SIPA1L1: variants seen among roughly 807,000 people sequenced by gnomAD.
SIPA1L1 encodes the protein signal induced proliferation associated 1 like 1, also known as signal-induced proliferation-associated 1-like protein 1.
In SIPA1L1, 26 loss-of-function variants were observed where a neutral mutation model predicts 162.7. The ratio of observed to expected loss-of-function variants is 0.16; its 90% CI spans 0.12 to 0.22. SIPA1L1 has a LOEUF of 0.22. Ranked by LOEUF, SIPA1L1 falls within the 10% of genes least tolerant of loss-of-function variation. The probability of loss-of-function intolerance (pLI) is 1.00; values close to 1 mark genes in which losing one functional copy is unlikely to be tolerated. For missense variants in SIPA1L1, 1,874 were observed against 2,241.0 expected (o/e 0.84, Z 3.31); for synonymous variants, 829 against 837.4 (o/e 0.99, Z 0.17).
At chr14:71,413,323 A>G (rs1241458972) in intron 2 of SIPA1L1, among the ~76,000 whole-genome samples, 1 of 152,192 alleles carries the variant, frequency 6.6e-6, no homozygotes, top group East Asian at 1.9e-4. Context: ...TTTTTCTTCT[A>G]TACATACAGC....
chr14:71,726,103 A>G (rs2084220823), intron 19 of SIPA1L1, among the ~76,000 whole-genome samples: 1 of 152,254 alleles, frequency 6.6e-6, no homozygotes. Flanking sequence ...CAACATTCAT[A>G]GGAACTGAAT....
chr14:71,342,332 G>A (rs1450027674), intron 2 of SIPA1L1, among the ~76,000 whole-genome samples: 3 of 151,926 alleles, frequency 2.0e-5, no homozygotes, highest in African/African-American at 4.8e-5. Flanking sequence ...TTTTCCTTTG[G>A]GTATATACCT....
Position 71,601,002 on chromosome 14 carries a change from A to G in SIPA1L1, c.1498+11632A>G, listed in dbSNP as rs78002345. Among the ~76,000 whole-genome samples the G allele has an allele frequency of 5.5e-3, 841 of 152,144 alleles. 10 individuals are homozygous for G. Among genetic ancestry groups the G allele is most frequent in the African/African-American group, 0.02 (815 of 41,510 alleles). Reference sequence around the variant, plus strand: ...TCCAGATCTAAGATTTTTTTGGTGCAGACTTAAGTTTTTTCTAGATATAAG... The same window carrying G: ...TCCAGATCTAAGATTTTTTTGGTGCGGACTTAAGTTTTTTCTAGATATAAG... On this transcript the variant is annotated intron_variant, in intron 5 of 23. Transcript: ENST00000381232.
intron 2 of SIPA1L1, among the ~76,000 whole-genome samples, chr14:71,399,367 G>C (rs943437325): frequency 1.3e-5 from 2 of 152,278 alleles, no homozygotes; most frequent in East Asian, 3.9e-4. Context: ...TGTGGGCTCT[G>C]GTTCTTTCAG....
At chr14:71,382,464 T>A (rs1314024607) in intron 2 of SIPA1L1, among the ~76,000 whole-genome samples, 1 of 152,188 alleles carries the variant, frequency 6.6e-6, no homozygotes, top group African/African-American at 2.4e-5. Flanking sequence ...CTAAACAAAT[T>A]TACATTAGAA....
chr14:71,509,380 C>T (rs959284645), intron 2 of SIPA1L1, among the ~76,000 whole-genome samples: 3 of 152,168 alleles, frequency 2.0e-5, no homozygotes, highest in African/African-American at 2.4e-5. Context: ...GGGAAGCATA[C>T]GTCTACAAAT....
At chr14:71,517,248 GC>G (rs1161233879) in intron 3 of SIPA1L1, among the ~76,000 whole-genome samples, 1 of 151,894 alleles carries the variant, frequency 6.6e-6, no homozygotes, top group African/African-American at 2.4e-5. Flanking sequence ...CTTTTGGGAA[GC>G]TTTTAATGAC....
intron 17 of SIPA1L1, among the ~76,000 whole-genome samples, chr14:71,710,315 C>T (rs913128428): frequency 5.9e-5 from 9 of 152,174 alleles, no homozygotes; most frequent in African/African-American, 1.4e-4. Context: ...TACTATTTGT[C>T]GTTTCCTCTT....
intron 3 of SIPA1L1, among the ~76,000 whole-genome samples, chr14:71,515,338 C>T (rs1056860566): frequency 6.6e-6 from 1 of 152,194 alleles, no homozygotes; most frequent in Non-Finnish European, 1.5e-5. Flanking sequence ...AGAATGAAAA[C>T]TAATGGTTTG....
intron 7 of SIPA1L1, among the ~76,000 whole-genome samples, chr14:71,644,525 C>T (rs1441231341): frequency 6.6e-6 from 1 of 152,240 alleles, no homozygotes; most frequent in Non-Finnish European, 1.5e-5. Flanking sequence ...GCATGAACCA[C>T]CATGCCTGGC....
chr14:71,324,433 T>C (rs1379928452), intron 2 of SIPA1L1, among the ~76,000 whole-genome samples: 1 of 152,244 alleles, frequency 6.6e-6, no homozygotes, highest in East Asian at 1.9e-4. Flanking sequence ...AAAATTTTAC[T>C]ACTTTCTCCC....
At chr14:71,487,886 T>A (rs1032905060) in intron 2 of SIPA1L1, among the ~76,000 whole-genome samples, 4 of 152,204 alleles carry the variant, frequency 2.6e-5, no homozygotes, top group Non-Finnish European at 4.4e-5. Flanking sequence ...ATATGCTGGG[T>A]TCTAGAGCTG....
chr14:71,396,055 G>A (rs1192658551), intron 2 of SIPA1L1, among the ~76,000 whole-genome samples: 1 of 152,062 alleles, frequency 6.6e-6, no homozygotes, highest in African/African-American at 2.4e-5. Flanking sequence ...GTAGCTTGGA[G>A]AACATTTCTT....
chr14:71,493,133 G>A (rs1006080229), intron 2 of SIPA1L1, among the ~76,000 whole-genome samples: 1 of 152,062 alleles, frequency 6.6e-6, no homozygotes, highest in Non-Finnish European at 1.5e-5. Flanking sequence ...CACCCAGGCT[G>A]GAGTGCAGTG....
At chr14:71,478,388 T>C (rs2048054403) in intron 2 of SIPA1L1, among the ~76,000 whole-genome samples, 1 of 152,142 alleles carries the variant, frequency 6.6e-6, no homozygotes, top group Non-Finnish European at 1.5e-5. Flanking sequence ...AGAAGTACAG[T>C]TTATCTTTTT....
intron 2 of SIPA1L1, among the ~76,000 whole-genome samples, chr14:71,459,369 A>G (rs1289485809): frequency 6.6e-6 from 1 of 152,122 alleles, no homozygotes; most frequent in Non-Finnish European, 1.5e-5. Flanking sequence ...ACTTCAGGGG[A>G]AAAGGATGGG....
At chr14:71,340,001 A>G (rs2035483567) in intron 2 of SIPA1L1, among the ~76,000 whole-genome samples, 1 of 152,212 alleles carries the variant, frequency 6.6e-6, no homozygotes, top group Non-Finnish European at 1.5e-5. Flanking sequence ...TTGCAGTCAT[A>G]TTTTGGCTGT....
At chr14:71,492,031 G>T (rs1419601229) in intron 2 of SIPA1L1, among the ~76,000 whole-genome samples, 1 of 152,124 alleles carries the variant, frequency 6.6e-6, no homozygotes, top group African/African-American at 2.4e-5. Context: ...ATTTCAACCT[G>T]TGTAATGGCG....
At chr14:71,634,907 G>A (rs1306758045) in intron 7 of SIPA1L1, among the ~76,000 whole-genome samples, 1 of 151,664 alleles carries the variant, frequency 6.6e-6, no homozygotes, top group Non-Finnish European at 1.5e-5. Flanking sequence ...CTGCACTCCA[G>A]CCTGGGCAAC....
Sources: allele counts gnomAD v4.1 joint callset (sites outside exome capture counted in the v4.1 genomes callset), GRCh38; gene constraint gnomAD v4.1.1; transcripts MANE v1.5; gene names NCBI Gene and HGNC (gene_info 2026-07-23, HGNC 2026-07-21).